M1AP: variants seen among roughly 807,000 people sequenced by gnomAD.
M1AP encodes meiosis 1 arrest protein.
Under a neutral mutation model 51.2 loss-of-function variants are expected in M1AP, and 39 were observed. That is an observed-to-expected ratio of 0.76 (90% CI 0.59 to 1.00). The LOEUF (loss-of-function observed/expected upper bound fraction) is 1.00, where lower values mean the gene tolerates loss of function less well. Among genes scored for constraint, M1AP ranks in the 50% least tolerant of loss-of-function variants. The pLI is 0.00. For missense variants in M1AP, 545 were observed against 641.2 expected (o/e 0.85, Z 1.62); for synonymous variants, 251 against 249.2 (o/e 1.01, Z -0.07).
At chr2:74,602,576 T>C (rs1464160301) in intron 4 of M1AP, among the ~76,000 whole-genome samples, 1 of 152,192 alleles carries the variant, frequency 6.6e-6, no homozygotes, top group Non-Finnish European at 1.5e-5. Flanking sequence ...AATTTAGACT[T>C]GGGCAACCTA....
Position 74,581,752 on chromosome 2 carries a change from C to T in M1AP, c.691G>A (p.Gly231Arg), listed in dbSNP as rs901179436. 1 of 1,614,040 alleles carries T rather than the reference C, an allele frequency of 6.2e-7. No individual in the cohort carries two copies. Among genetic ancestry groups the T allele is most frequent in the African/African-American group, 1.3e-5 (1 of 75,036 alleles). The change falls in exon 5 of 11, where the codon GGA becomes AGA. Residue 231 changes from glycine to arginine, a missense_variant. Coordinates refer to ENST00000421985, the MANE Select transcript of M1AP (RefSeq NM_001321739.2). Reference sequence around the variant, plus strand: ...AGATGGATTTGTTCTTGGTCTGTTCCACTGTTATGTAGCCAGGCTTTGAAG... The same window carrying T: ...AGATGGATTTGTTCTTGGTCTGTTCTACTGTTATGTAGCCAGGCTTTGAAG... The part of the protein sequence containing the change: ...IFFKAWLHNS[G>R]TDQEQIHLLL...
In M1AP at chr2:74,558,881, A is replaced by G. The variant is rs367599476; in HGVS notation, c.1435-7T>C. 23 of 1,582,866 alleles carry G rather than the reference A, an allele frequency of 1.5e-5. No homozygotes were observed. The African/African-American group carries it at 3.0e-4, about 21-fold the overall frequency. On this transcript the variant is annotated splice_polypyrimidine_tract_variant and splice_region_variant and intron_variant, in intron 10 of 10. Transcript: ENST00000421985. Reference sequence around the variant, plus strand: ...TGGTCTGCAACTGCCCAGTCTGCAAAGAGAGCAACCAGAGCCTTCTCTGAA... The same window carrying G: ...TGGTCTGCAACTGCCCAGTCTGCAAGGAGAGCAACCAGAGCCTTCTCTGAA...
intron 2 of M1AP, among the ~76,000 whole-genome samples, chr2:74,616,942 T>C (rs1193041970): frequency 6.6e-6 from 1 of 152,232 alleles, no homozygotes; most frequent in African/African-American, 2.4e-5. Context: ...TTTATTTATT[T>C]GGTGGCCAAC....
At chr2:74,604,370 A>G (rs1373373963) in intron 4 of M1AP, among the ~76,000 whole-genome samples, 1 of 152,124 alleles carries the variant, frequency 6.6e-6, no homozygotes, top group Non-Finnish European at 1.5e-5. Context: ...GGCTGGTTTC[A>G]TGGAAGACAA....
At chr2:74,634,946 T>G (rs1682900806) in intron 2 of M1AP, among the ~76,000 whole-genome samples, 1 of 152,134 alleles carries the variant, frequency 6.6e-6, no homozygotes, top group Non-Finnish European at 1.5e-5. Flanking sequence ...CGGTCTTCAG[T>G]TTTCTTTTTT....
At chr2:74,602,529 G>C (rs570410194) in intron 4 of M1AP, among the ~76,000 whole-genome samples, 5 of 152,292 alleles carry the variant, frequency 3.3e-5, no homozygotes, top group African/African-American at 1.2e-4. Flanking sequence ...TAAATACCTT[G>C]CCTAAAGTTG....
At chr2:74,637,532 T>C (rs534878492) in intron 2 of M1AP, among the ~76,000 whole-genome samples, 1 of 152,226 alleles carries the variant, frequency 6.6e-6, no homozygotes, top group African/African-American at 2.4e-5. Flanking sequence ...CTACATAGTT[T>C]TGTATTTCTA....
At chr2:74,622,909 C>G in intron 2 of M1AP, among the ~76,000 whole-genome samples, 1 of 147,750 alleles carries the variant, frequency 6.8e-6, no homozygotes, top group East Asian at 2.0e-4. Context: ...TTAGGGCAAC[C>G]CCTAAAAGAA....
At chr2:74,561,033 AGAAGG>A (rs1677890550) in intron 8 of M1AP, among the ~76,000 whole-genome samples, 2 of 134,192 alleles carry the variant, frequency 1.5e-5, no homozygotes, top group African/African-American at 6.6e-5. Flanking sequence ...GAGGAAAAGG[AGAAGG>A]AGGAGAAACA....
intron 4 of M1AP, among the ~76,000 whole-genome samples, chr2:74,600,219 T>G (rs1184557143): frequency 6.6e-6 from 1 of 152,172 alleles, no homozygotes; most frequent in Non-Finnish European, 1.5e-5. Context: ...TATGCCTTAG[T>G]TTTTTCATCT....
At chr2:74,578,740 G>A (rs1469782621) in intron 5 of M1AP, among the ~76,000 whole-genome samples, 1 of 152,154 alleles carries the variant, frequency 6.6e-6, no homozygotes, top group African/African-American at 2.4e-5. Flanking sequence ...AGGGCCCTAG[G>A]CAAAGAAGCA....
chr2:74,626,457 C>T (rs1407413767), intron 2 of M1AP, among the ~76,000 whole-genome samples: 1 of 152,002 alleles, frequency 6.6e-6, no homozygotes, highest in Non-Finnish European at 1.5e-5. Flanking sequence ...TGAGGTCTCA[C>T]TATGTTGCTC....
Position 74,562,382 on chromosome 2 carries a change from G to GC in M1AP, c.1115dup (p.Gly374ArgfsTer43). ...CAGGAATTCTCTGGCTGTGTCCTGG[G>GC]CCCGGTGGTTCCCCCTTGGCTAACA... On this transcript the variant is annotated frameshift_variant, in exon 8 of 11. Coordinates refer to ENST00000421985, the MANE Select transcript of M1AP (RefSeq NM_001321739.2). LOFTEE classifies it high-confidence loss of function. 1 of 1,614,246 alleles carries GC rather than the reference G, an allele frequency of 6.2e-7. No individual in the cohort carries two copies. The highest frequency in any genetic ancestry group is 2.2e-5 in the East Asian group (1 of 44,888).
chr2:74,606,350 T>C (rs536358853), intron 4 of M1AP, among the ~76,000 whole-genome samples: 2 of 152,350 alleles, frequency 1.3e-5, no homozygotes, highest in African/African-American at 2.4e-5. Context: ...GCCCTGCATA[T>C]GAGTCTGTTC....
intron 4 of M1AP, among the ~76,000 whole-genome samples, chr2:74,598,375 C>T (rs1006585220): frequency 4.3e-5 from 6 of 138,440 alleles, no homozygotes; most frequent in African/African-American, 6.8e-5. Flanking sequence ...GATCGAGACT[C>T]CATGTCAATA....
intron 7 of M1AP, among the ~76,000 whole-genome samples, chr2:74,571,074 G>A (rs1678707707): frequency 6.6e-6 from 1 of 152,206 alleles, no homozygotes. Flanking sequence ...AAAAACATGT[G>A]ATAGGGGAAT....
At chr2:74,611,557 CTCTT>C (rs1434646830) in intron 3 of M1AP, among the ~76,000 whole-genome samples, 1 of 152,226 alleles carries the variant, frequency 6.6e-6, no homozygotes. Flanking sequence ...TGACTCATCT[CTCTT>C]TTTTTCTTAG....
chr2:74,576,649 CA>C (rs1404719314), intron 5 of M1AP, 31 bp from the exon 6 acceptor site: 1 of 1,610,120 alleles, frequency 6.2e-7, no homozygotes, highest in Admixed American at 1.7e-5. Flanking sequence ...ATTTCAGACA[CA>C]CTACAATTGG....
intron 4 of M1AP, among the ~76,000 whole-genome samples, chr2:74,605,798 G>A (rs1325353305): frequency 6.6e-6 from 1 of 151,980 alleles, no homozygotes; most frequent in Admixed American, 6.6e-5. Context: ...CTACTCAGGA[G>A]GCCGAGGCAG....
Sources: gnomAD v4.1 joint callset for allele counts (sites outside exome capture counted in the v4.1 genomes callset) on GRCh38, gnomAD v4.1.1 for gene constraint, MANE v1.5 for transcripts, NCBI Gene and HGNC (gene_info 2026-07-23, HGNC 2026-07-21) for gene names.